Variants in TMEM132B observed in about 807,000 individuals in gnomAD.
TMEM132B encodes the protein transmembrane protein 132B.
A neutral mutation model predicts 90.8 loss-of-function variants in TMEM132B; 18 were observed. The ratio of observed to expected loss-of-function variants is 0.20; its 90% CI spans 0.14 to 0.29. The LOEUF is 0.29. Among genes scored for constraint, TMEM132B ranks in the 10% least tolerant of loss-of-function variants. The pLI, the probability that TMEM132B is intolerant of heterozygous loss-of-function variation, is 1.00. For missense variants in TMEM132B, 1,096 were observed against 1,326.8 expected, an observed-to-expected ratio of 0.83 and a Z score of 2.70; for synonymous variants, 504 against 523.3, an observed-to-expected ratio of 0.96 and a Z score of 0.50.
chr12:125,243,456 G>A (rs1291851533), intron 1 of TMEM132B, among the ~76,000 whole-genome samples: 3 of 152,040 alleles, frequency 2.0e-5, no homozygotes, highest in Non-Finnish European at 2.9e-5. Context: ...ACAGGCGCCC[G>A]CCAACATGCC....
In TMEM132B at chr12:125,489,661, C is replaced by T. The variant is rs1593171374; in HGVS notation, c.1107-29778C>T. On this transcript the variant is annotated intron_variant, in intron 3 of 8. Transcript: ENST00000682704. ...TCCTAGGCTCAAGTGATTCACCCAC[C>T]TTAGCCTCCCAAAGTACTGGAATTA... Among the ~76,000 whole-genome samples, 3 of 152,286 alleles carry T rather than the reference C, an allele frequency of 2.0e-5. No homozygotes were observed. The South Asian group carries it at 6.2e-4, about 32-fold the overall frequency.
chr12:125,634,457 T>C (rs2137003687), intron 5 of TMEM132B, among the ~76,000 whole-genome samples: 1 of 152,278 alleles, frequency 6.6e-6, no homozygotes, highest in African/African-American at 2.4e-5. Context: ...GCAAGAGAAA[T>C]TCTTTACTTT....
At chr12:125,376,760 G>A (rs941341382) in intron 2 of TMEM132B, among the ~76,000 whole-genome samples, 2 of 152,210 alleles carry the variant, frequency 1.3e-5, no homozygotes, top group South Asian at 4.1e-4. Flanking sequence ...CTAAGGGGGA[G>A]CTGAGTGTGC....
intron 2 of TMEM132B, among the ~76,000 whole-genome samples, chr12:125,362,133 G>C (rs555722119): frequency 6.6e-6 from 1 of 152,272 alleles, no homozygotes; most frequent in Non-Finnish European, 1.5e-5. Context: ...GTGTTTGTTG[G>C]TAGGGCTACT....
At chr12:125,567,901 C>T (rs1157230794) in intron 4 of TMEM132B, among the ~76,000 whole-genome samples, 2 of 152,282 alleles carry the variant, frequency 1.3e-5, no homozygotes, top group Admixed American at 1.3e-4. Context: ...GTAATTATTA[C>T]TCAGCGCTGG....
At chr12:125,230,033 A>T (rs894649669) in intron 1 of TMEM132B, among the ~76,000 whole-genome samples, 1 of 152,202 alleles carries the variant, frequency 6.6e-6, no homozygotes, top group Non-Finnish European at 1.5e-5. Context: ...CTGAAGGACA[A>T]GGGCCGGGAA....
chr12:125,476,099 A>T (rs767593676), intron 3 of TMEM132B, among the ~76,000 whole-genome samples: 1 of 152,250 alleles, frequency 6.6e-6, no homozygotes, highest in Non-Finnish European at 1.5e-5. Context: ...AATTGGATGT[A>T]TGAGTCTGTT....
intron 3 of TMEM132B, among the ~76,000 whole-genome samples, chr12:125,511,413 G>A (rs1882974875): frequency 6.6e-6 from 1 of 152,100 alleles, no homozygotes; most frequent in South Asian, 2.1e-4. Context: ...CTGCAACCAG[G>A]AAGTAGAAAT....
intron 3 of TMEM132B, among the ~76,000 whole-genome samples, chr12:125,462,391 G>T (rs1881460062): frequency 7.3e-6 from 1 of 136,584 alleles, no homozygotes; most frequent in African/African-American, 2.6e-5. Context: ...GAAAGAACAA[G>T]ACTGTTTCTG....
At chr12:125,452,767 T>C (rs2136453182) in intron 3 of TMEM132B, among the ~76,000 whole-genome samples, 1 of 152,362 alleles carries the variant, frequency 6.6e-6, no homozygotes, top group South Asian at 2.1e-4. Flanking sequence ...TGGCCATTTG[T>C]ATTTCCTTTT....
At chr12:125,243,032 TAC>T (rs765539161) in intron 1 of TMEM132B, among the ~76,000 whole-genome samples, 1,668 of 134,754 alleles carry the variant, frequency 0.012, 31 homozygotes, top group East Asian at 0.032. Context: ...TATATATATA[TAC>T]ACACACACAC....
intron 1 of TMEM132B, among the ~76,000 whole-genome samples, chr12:125,285,425 A>G (rs535004303): frequency 1.3e-5 from 2 of 152,346 alleles, no homozygotes; most frequent in South Asian, 2.1e-4. Context: ...GTCGTGGCTC[A>G]GCGTCTAGGC....
rs776713830 is a variant in TMEM132B at position 125,350,224 on chromosome 12, G to T, written c.840G>T (p.Leu280=). The T allele has an allele frequency of 6.2e-7, 1 of 1,614,158 alleles. No homozygotes were observed. The highest frequency in any genetic ancestry group is 8.5e-7 in the Non-Finnish European group (1 of 1,180,038). ...YPTQDDLKWS[L]VSLDENVVIS... ...CCCAAGATGATCTGAAGTGGTCCCT[G>T]GTGAGCTTGGACGAGAATGTGGTCA... Residue 280 remains leucine, a synonymous_variant, in exon 2 of 9, where the codon CTG becomes CTT. Transcript: ENST00000682704.
At chr12:125,314,297 A>T (rs1876200483) in intron 1 of TMEM132B, among the ~76,000 whole-genome samples, 1 of 152,192 alleles carries the variant, frequency 6.6e-6, no homozygotes, top group South Asian at 2.1e-4. Flanking sequence ...AGATTTTGAC[A>T]AAGATCAGCA....
intron 5 of TMEM132B, among the ~76,000 whole-genome samples, chr12:125,617,345 T>A (rs978397180): frequency 6.9e-5 from 9 of 129,780 alleles, no homozygotes; most frequent in African/African-American, 3.1e-4. Flanking sequence ...TTCACTGCCC[T>A]TTTTTTTTTT....
intron 2 of TMEM132B, among the ~76,000 whole-genome samples, chr12:125,352,633 G>C (rs1877627038): frequency 1.3e-5 from 2 of 152,240 alleles, no homozygotes. Flanking sequence ...TGAGTCCTCA[G>C]TGAATGTTAG....
chr12:125,519,617 C>T lies in TMEM132B; in HGVS notation c.1285C>T (p.Leu429Phe), dbSNP rs752811643. 5 of 1,613,964 alleles carry T rather than the reference C, an allele frequency of 3.1e-6. No individual in the cohort carries two copies. The highest frequency in any genetic ancestry group is 4.2e-6 in the Non-Finnish European group (5 of 1,180,000). ...SQTTFVGIVPLAMDTEVLNTA... is the reference protein window; with the variant it reads ...SQTTFVGIVPFAMDTEVLNTA... The stretch of plus-strand genomic sequence containing the variant: ...GACAACCTTCGTGGGCATCGTCCCT[C>T]TTGCCATGGTGAGGAATCTGGGGGT... The change falls in exon 4 of 9, where the codon CTT becomes TTT. Residue 429 changes from leucine (L) to phenylalanine (F), a missense_variant. Physicochemically the swap from Leu to Phe is conservative, Grantham distance 22 (BLOSUM62 0). Transcript: ENST00000682704.
chr12:125,639,035 C>G (rs755040144), intron 5 of TMEM132B, among the ~76,000 whole-genome samples: 1 of 152,160 alleles, frequency 6.6e-6, no homozygotes, highest in Non-Finnish European at 1.5e-5. Context: ...TTAGGATTGA[C>G]AGCATTTGGT....
At chr12:125,499,379 T>G (rs1035361823) in intron 3 of TMEM132B, among the ~76,000 whole-genome samples, 2 of 152,220 alleles carry the variant, frequency 1.3e-5, no homozygotes, top group African/African-American at 4.8e-5. Flanking sequence ...TGCTCCTGAT[T>G]ATTGTAAATA....
Sources: gnomAD v4.1 joint callset for allele counts (sites outside exome capture counted in the v4.1 genomes callset) on GRCh38, gnomAD v4.1.1 for gene constraint, MANE v1.5 for transcripts, NCBI Gene and HGNC (gene_info 2026-07-23, HGNC 2026-07-21) for gene names.